ANXA8: variants seen among roughly 807,000 people sequenced by gnomAD.
The protein encoded by ANXA8 is VAC-beta.
In ANXA8, 9 loss-of-function variants were observed where a neutral mutation model predicts 26.8. That is an observed-to-expected ratio of 0.34 (90% confidence interval 0.20 to 0.59). The LOEUF (loss-of-function observed/expected upper bound fraction) is 0.59, where lower values mean the gene tolerates loss of function less well. Ranked by LOEUF, ANXA8 falls within the 20% of genes least tolerant of loss-of-function variation. The pLI is 0.84. For synonymous variants in ANXA8, 39 were observed against 94.8 expected (o/e 0.41, Z 3.42); for missense variants, 83 against 238.5 (o/e 0.35, Z 4.29).
chr10:47,638,999 A>G, the ANXA8 span, among the ~76,000 whole-genome samples: 3 of 150,224 alleles, frequency 2.0e-5, no homozygotes, highest in Admixed American at 2.0e-4. Flanking sequence ...TGTGACTAAT[A>G]TATTATGAAT....
chr10:47,676,747 G>A, the ANXA8 span, among the ~76,000 whole-genome samples: 85 of 150,802 alleles, frequency 5.6e-4, no homozygotes, highest in South Asian at 3.1e-3. Context: ...GTGAAACTGC[G>A]TCTCTACTAA....
the ANXA8 span, among the ~76,000 whole-genome samples, chr10:47,492,957 G>A: frequency 6.6e-6 from 1 of 151,144 alleles, no homozygotes; most frequent in Non-Finnish European, 1.5e-5. Context: ...ACTGGACTGT[G>A]GGCCCTCCCA....
At chr10:47,968,977 C>T in the ANXA8 span, among the ~76,000 whole-genome samples, 1 of 147,942 alleles carries the variant, frequency 6.8e-6, no homozygotes, top group African/African-American at 2.5e-5. Flanking sequence ...ATTTAATTCT[C>T]TTGAAAAAAA....
At chr10:47,595,907 T>C in the ANXA8 span, among the ~76,000 whole-genome samples, 1 of 148,532 alleles carries the variant, frequency 6.7e-6, no homozygotes, top group Non-Finnish European at 1.5e-5. Context: ...ACTTGACCAA[T>C]TGAACCTAAT....
chr10:47,562,121 A>G, the ANXA8 span, among the ~76,000 whole-genome samples: 1 of 151,946 alleles, frequency 6.6e-6, no homozygotes, highest in Non-Finnish European at 1.5e-5. Flanking sequence ...TTGTTTTTAC[A>G]GTAGACCAAA....
the ANXA8 span, among the ~76,000 whole-genome samples, chr10:47,888,980 ATATG>A: frequency 1.6e-5 from 1 of 64,216 alleles, no homozygotes; most frequent in Non-Finnish European, 3.6e-5. Context: ...AATATAATAT[ATATG>A]TGTGTGTGTG....
At chr10:47,571,177 A>G in the ANXA8 span, among the ~76,000 whole-genome samples, 1 of 134,176 alleles carries the variant, frequency 7.5e-6, no homozygotes, top group African/African-American at 2.9e-5. Flanking sequence ...ATTCAGTCAT[A>G]TTTATCGCCC....
chr10:47,767,301 CT>C, the ANXA8 span, among the ~76,000 whole-genome samples: 1 of 148,402 alleles, frequency 6.7e-6, no homozygotes, highest in South Asian at 2.1e-4. Context: ...CCAGCCCCTT[CT>C]TTTGAGGAGC....
chr10:47,957,800 C>T, the ANXA8 span, among the ~76,000 whole-genome samples: 1 of 149,140 alleles, frequency 6.7e-6, no homozygotes, highest in Non-Finnish European at 1.5e-5. Context: ...CTCCCATAGC[C>T]TTCTCCTCTG....
the ANXA8 span, chr10:47,691,010 G>C: frequency 1.2e-6 from 2 of 1,610,976 alleles, no homozygotes; most frequent in African/African-American, 2.7e-5. Context: ...AAAAAACTGT[G>C]ATTCTAAAAG....
At chr10:47,683,897 A>G in the ANXA8 span, among the ~76,000 whole-genome samples, 1 of 151,560 alleles carries the variant, frequency 6.6e-6, no homozygotes, top group Non-Finnish European at 1.5e-5. Context: ...AAGAGGGGAA[A>G]AGCACTCTCT....
chr10:47,498,496 T>A, the ANXA8 span, among the ~76,000 whole-genome samples: 1 of 143,388 alleles, frequency 7.0e-6, no homozygotes, highest in Non-Finnish European at 1.5e-5. Context: ...TGCTTTCAAT[T>A]ATTTTGGCTA....
At chr10:47,623,869 T>A in the ANXA8 span, among the ~76,000 whole-genome samples, 1 of 105,766 alleles carries the variant, frequency 9.5e-6, no homozygotes, top group South Asian at 3.1e-4. Context: ...CCTTCTTTTT[T>A]TTTTTTTTAA....
chr10:47,577,722 G>A, the ANXA8 span, among the ~76,000 whole-genome samples: 2 of 103,068 alleles, frequency 1.9e-5, no homozygotes, highest in South Asian at 7.5e-4. Context: ...GGCCTGGTCT[G>A]GGCGTGGTGG....
the ANXA8 span, chr10:47,986,574 ACCCACAGGGG>A: frequency 2.8e-6 from 1 of 355,418 alleles, no homozygotes; most frequent in Non-Finnish European, 5.6e-6. Flanking sequence ...TGCAGCAGTG[ACCCACAGGGG>A]CCAGTGCAGT....
At chr10:47,507,655 G>C in the ANXA8 span, 9 of 1,516,886 alleles carry the variant, frequency 5.9e-6, 1 homozygote, top group African/African-American at 1.5e-5. Flanking sequence ...TTTTAAAAGG[G>C]GGGCAGAGGA....
At chr10:47,954,578 A>C in the ANXA8 span, among the ~76,000 whole-genome samples, 1 of 151,540 alleles carries the variant, frequency 6.6e-6, no homozygotes. Context: ...CAAAGAAATG[A>C]TAAATGCTTG....
the ANXA8 span, among the ~76,000 whole-genome samples, chr10:47,671,805 C>G: frequency 2.6e-5 from 4 of 151,714 alleles, no homozygotes; most frequent in Admixed American, 1.3e-4. Flanking sequence ...GATGTCTAGA[C>G]AGAAAATCTC....
the ANXA8 span, among the ~76,000 whole-genome samples, chr10:47,744,709 G>A: frequency 6.6e-6 from 1 of 151,818 alleles, no homozygotes; most frequent in African/African-American, 2.4e-5. Flanking sequence ...GAAAGAGCCA[G>A]GCTTATGGAA....
Sources: allele counts gnomAD v4.1 joint callset (sites outside exome capture counted in the v4.1 genomes callset), GRCh38; gene constraint gnomAD v4.1.1; transcripts MANE v1.5; gene names NCBI Gene and HGNC (gene_info 2026-07-23, HGNC 2026-07-21).